Variants in GJB6 observed in about 807,000 individuals in gnomAD.
GJB6 encodes gap junction beta-6 protein.
GJB6 carries 5 observed loss-of-function variants against 5.4 expected under a neutral mutation model. The ratio of observed to expected loss-of-function variants is 0.92; its 90% CI spans 0.48 to 1.93. GJB6 has a LOEUF of 1.93. Among genes scored for constraint, GJB6 ranks in the 30% most tolerant of loss-of-function variants. GJB6 has a pLI of 0.01. For missense variants in GJB6, 298 were observed against 326.9 expected (o/e 0.91, Z 0.68); for synonymous variants, 136 against 129.6 (o/e 1.05, Z -0.34).
intron 4 of GJB6, among the ~76,000 whole-genome samples, chr13:20,226,809 A>G (rs2137344014): frequency 6.6e-6 from 1 of 152,370 alleles, no homozygotes; most frequent in Admixed American, 6.5e-5. Flanking sequence ...CCAATCAGCA[A>G]GAGTTTGATT....
chr13:20,223,123 C>T lies in GJB6; in HGVS notation c.358G>A (p.Asp120Asn), dbSNP rs193292569. The T allele has an allele frequency of 8.2e-4, 1,329 of 1,614,158 alleles. 7 individuals carry two copies. The highest frequency in any genetic ancestry group is 1.9e-4 in the Non-Finnish European group (224 of 1,180,016). Residue 120 changes from aspartate (D) to asparagine (N), a missense_variant, in exon 5 of 5, where the codon GAC (aspartate) becomes AAC (asparagine). By Grantham distance (23) the Asp-to-Asn change is conservative. Transcript: ENST00000647029. ...EKRNDFKDIE[D>N]IKKQKVRIEG... Reference sequence around the variant, plus strand: ...ATCCGAACCTTCTGCTTTTTAATGTCCTCTATGTCTTTGAAATCATTCCTC... The same window carrying T: ...ATCCGAACCTTCTGCTTTTTAATGTTCTCTATGTCTTTGAAATCATTCCTC...
chr13:20,228,699 T>A (rs1052605739), intron 4 of GJB6, among the ~76,000 whole-genome samples: 1 of 36,056 alleles, frequency 2.8e-5, no homozygotes, highest in Admixed American at 3.5e-4. Context: ...TTAGCCAGGA[T>A]GGTCTCGATC....
Position 20,223,085 on chromosome 13 carries a change from C to T in GJB6, c.396G>A (p.Leu132=), listed in dbSNP as rs189971962. The T allele has an allele frequency of 2.9e-5, 46 of 1,613,962 alleles. No homozygotes were observed. In the East Asian group the frequency reaches 9.8e-4, roughly 34 times the overall value. The change falls in exon 5 of 5, where the codon CTG becomes CTA. Residue 132 remains leucine, a synonymous_variant. Coordinates refer to ENST00000647029, the MANE Select transcript of GJB6 (RefSeq NM_001110219.3). ...AGATGCTGCTGGTGTACGTCCACCA[C>T]AGCGACCCCTCTATCCGAACCTTCT... ...KKQKVRIEGS[L]WWTYTSSIFF...
Position 20,229,315 on chromosome 13 carries a change from A to ATTTT in GJB6, c.-16+261_-16+264dup, listed in dbSNP as rs60451416. 3.3e-3 allele frequency among the ~76,000 whole-genome samples: 185 copies of ATTTT among 55,278 alleles called. 6 individuals carry two copies. Among genetic ancestry groups the ATTTT allele is most frequent in the African/African-American group, 8.4e-3 (133 of 15,856 alleles). 36.3% of individuals were successfully genotyped at this position (55,278 alleles called of 152,430 possible). On this transcript the variant is annotated intron_variant, in intron 4 of 4. Coordinates refer to ENST00000647029, the MANE Select transcript of GJB6 (RefSeq NM_001110219.3). ...AGGCATATGCCACCATACCTGGTTA[A>ATTTT]TTTTTTTTTTTTTTTTTTTTTTTTT... is the stretch of plus-strand genomic sequence containing the variant.
At position 20,223,161 on chromosome 13, in the gene GJB6, C is replaced by T. The variant is rs188399223; in HGVS notation, c.320G>A (p.Arg107Lys). 7.4e-6 allele frequency: 12 copies of T among 1,613,808 alleles called. No individual in the cohort carries two copies. In the East Asian group the frequency reaches 2.7e-4, roughly 36 times the overall value. Reference sequence around the variant, plus strand: ...GAAATCATTCCTCTTCTCTCCTCGCCTGAACTTGCGAGTGGTTTCGTGCCT... The same window carrying T: ...GAAATCATTCCTCTTCTCTCCTCGCTTGAACTTGCGAGTGGTTTCGTGCCT... ...YYRHETTRKFRRGEKRNDFKD... is the reference protein window; with the variant it reads ...YYRHETTRKFKRGEKRNDFKD... The change falls in exon 5 of 5, where the codon AGG becomes AAG. Residue 107 changes from arginine to lysine, a missense_variant. Arg to Lys is a conservative substitution (Grantham distance 26). Transcript: ENST00000647029.
rs1870028963 is a variant in GJB6 at position 20,230,816 on chromosome 13, C to G, written c.-295-9G>C. The G allele has an allele frequency of 6.6e-6, 1 of 152,208 alleles. No individual in the cohort carries two copies. The highest frequency in any genetic ancestry group is 6.5e-5 in the Admixed American group (1 of 15,278). The allele number at this position is 152,208 out of a possible 1,614,324, so 9.4% of individuals were successfully genotyped here. On this transcript the variant is annotated splice_polypyrimidine_tract_variant and intron_variant, in intron 2 of 4. Transcript: ENST00000647029. ...TGTACTTCTTTTCCTTCCTAACACT[C>G]AGAATTCAGAAGAGAAGACATAAGA...
In GJB6 at chr13:20,223,171, G is replaced by C. The variant is rs765805775; in HGVS notation, c.310C>G (p.Arg104Gly). Residue 104 changes from arginine to glycine, a missense_variant, in exon 5 of 5, where the codon CGC (arginine) becomes GGC (glycine). Coordinates refer to ENST00000647029, the MANE Select transcript of GJB6 (RefSeq NM_001110219.3). ...HVAYYRHETT[R>G]KFRRGEKRND... The stretch of plus-strand genomic sequence containing the variant: ...CTCTTCTCTCCTCGCCTGAACTTGC[G>C]AGTGGTTTCGTGCCTGTAGTAGGCC... 1.9e-6 allele frequency: 3 copies of C among 1,613,458 alleles called. No homozygotes were observed. In the South Asian group the frequency reaches 3.3e-5, roughly 18 times the overall value.
chr13:20,228,534 A>G (rs980071060), intron 4 of GJB6, among the ~76,000 whole-genome samples: 2 of 149,932 alleles, frequency 1.3e-5, no homozygotes, highest in African/African-American at 4.9e-5. Context: ...CCCAAGCTGG[A>G]GTACCGTGGC....
chr13:20,231,032 A>G (rs1333465495), intron 2 of GJB6: 1 of 152,374 alleles, frequency 6.6e-6, no homozygotes, highest in Non-Finnish European at 1.5e-5. Flanking sequence ...CCTCCTTGGC[A>G]AGCTTCAAGC....
In GJB6 at chr13:20,223,454, G is replaced by A. The variant is rs779571160; in HGVS notation, c.27C>T (p.Phe9=). The change falls in exon 5 of 5, where the codon TTC becomes TTT. Residue 9 remains phenylalanine (F), a synonymous_variant. Transcript: ENST00000647029. ...TGGAGTGTTTGTTGACACCCCCGAT[G>A]AAAGTGTGCAGCGTCCCCCAATCCA... MDWGTLHT[F]IGGVNKHSTS... 7 of 1,614,036 alleles carry A rather than the reference G, an allele frequency of 4.3e-6. No individual in the cohort carries two copies. In the East Asian group the frequency reaches 1.6e-4, roughly 36 times the overall value.
In GJB6 at chr13:20,222,742, G is replaced by C. The variant is rs771392368; in HGVS notation, c.739C>G (p.Leu247Val). 3 of 1,614,004 alleles carry C rather than the reference G, an allele frequency of 1.9e-6. No individual in the cohort carries two copies. In the Admixed American group the frequency reaches 5.0e-5, roughly 27 times the overall value. ...KESKQNEMNE[L>V]ISDSGQNAIT... ...GCATTTTGACCACTATCTGAAATCA[G>C]CTCATTCATTTCATTCTGCTTACTC... Residue 247 changes from leucine (L) to valine (V), a missense_variant, in exon 5 of 5, where the codon CTG becomes GTG. Physicochemically the swap from Leu to Val is conservative, Grantham distance 32 (BLOSUM62 1). Transcript: ENST00000647029.
chr13:20,226,118 G>A (rs545773892), intron 4 of GJB6, among the ~76,000 whole-genome samples: 2 of 152,102 alleles, frequency 1.3e-5, no homozygotes, highest in African/African-American at 4.8e-5. Context: ...AGATGGAAGA[G>A]GCTGGAGGTT....
intron 4 of GJB6, among the ~76,000 whole-genome samples, chr13:20,226,997 G>C (rs1208472748): frequency 1.3e-5 from 2 of 152,124 alleles, no homozygotes; most frequent in Non-Finnish European, 2.9e-5. Context: ...GGGAGCCAGA[G>C]GGGGACATGG....
chr13:20,223,744 T>C (rs1869389243), intron 4 of GJB6, among the ~76,000 whole-genome samples: 1 of 152,004 alleles, frequency 6.6e-6, no homozygotes, highest in African/African-American at 2.4e-5. Context: ...GGCGGGCAGA[T>C]CATGAGGTCA....
At position 20,223,138 on chromosome 13, in the gene GJB6, A is replaced by C. The variant is rs749058656; in HGVS notation, c.343T>G (p.Phe115Val). Residue 115 changes from phenylalanine to valine, a missense_variant, in exon 5 of 5, where the codon TTC becomes GTC. Coordinates refer to ENST00000647029, the MANE Select transcript of GJB6 (RefSeq NM_001110219.3). Reference sequence around the variant, plus strand: ...TTTTTAATGTCCTCTATGTCTTTGAAATCATTCCTCTTCTCTCCTCGCCTG... The same window carrying C: ...TTTTTAATGTCCTCTATGTCTTTGACATCATTCCTCTTCTCTCCTCGCCTG... ...KFRRGEKRND[F>V]KDIEDIKKQK... The C allele has an allele frequency of 1.2e-6, 2 of 1,614,074 alleles. No homozygotes were observed. The highest frequency in any genetic ancestry group is 1.7e-6 in the Non-Finnish European group (2 of 1,179,920).
At chr13:20,227,823 G>A (rs1370798353) in intron 4 of GJB6, among the ~76,000 whole-genome samples, 1 of 152,206 alleles carries the variant, frequency 6.6e-6, no homozygotes, top group Non-Finnish European at 1.5e-5. Flanking sequence ...GGCTGCCCCA[G>A]GAGACGCTCC....
intron 4 of GJB6, among the ~76,000 whole-genome samples, chr13:20,225,844 G>A (rs182952966): frequency 1.2e-3 from 185 of 152,262 alleles, no homozygotes; most frequent in African/African-American, 4.1e-3. Flanking sequence ...CTCTGCTATC[G>A]TTGGGAGGTT....
intron 4 of GJB6, among the ~76,000 whole-genome samples, chr13:20,226,043 G>A (rs1048774404): frequency 8.5e-5 from 13 of 152,108 alleles, no homozygotes; most frequent in Non-Finnish European, 1.9e-4. Context: ...ACATTGGAAG[G>A]GTGGGCTCTT....
At chr13:20,227,133 G>T (rs1869641101) in intron 4 of GJB6, among the ~76,000 whole-genome samples, 1 of 150,878 alleles carries the variant, frequency 6.6e-6, no homozygotes, top group South Asian at 2.1e-4. Context: ...GCTTCTCCCT[G>T]TTTTTTTTTT....
Sources: allele counts gnomAD v4.1 joint callset (sites outside exome capture counted in the v4.1 genomes callset), GRCh38; gene constraint gnomAD v4.1.1; transcripts MANE v1.5; gene names NCBI Gene and HGNC (gene_info 2026-07-23, HGNC 2026-07-21).